The following DNAJC7 variants were observed in gnomAD, a reference collection of about 807,000 sequenced individuals.
The protein encoded by DNAJC7 is DnaJ heat shock protein family (Hsp40) member C7.
A neutral mutation model predicts 67.4 loss-of-function variants in DNAJC7; 18 were observed. The ratio of observed to expected loss-of-function variants is 0.27; its 90% confidence interval spans 0.18 to 0.40. DNAJC7 has a LOEUF of 0.40. DNAJC7 is among the 10% of genes least tolerant of loss of function. DNAJC7 has a pLI of 1.00. For missense variants in DNAJC7, 419 were observed against 613.8 expected, an observed-to-expected ratio of 0.68 and a Z score of 3.35; for synonymous variants, 220 against 207.8, an observed-to-expected ratio of 1.06 and a Z score of -0.50.
chr17:41,996,276 T>C (rs974110855), intron 4 of DNAJC7, 35 bp downstream of exon 4: 9 of 1,603,964 alleles, frequency 5.6e-6, no homozygotes, highest in East Asian at 4.5e-5. Context: ...TATACCATAC[T>C]GCCTCTTTTG....
At chr17:41,980,568 G>A (rs367547740) in intron 12 of DNAJC7, among the ~76,000 whole-genome samples, 2 of 152,052 alleles carry the variant, frequency 1.3e-5, no homozygotes, top group East Asian at 3.9e-4. Flanking sequence ...TTGTATTTTA[G>A]TAGAGAGTAC....
chr17:42,002,695 T>C (rs2051841026), intron 1 of DNAJC7, among the ~76,000 whole-genome samples: 1 of 152,236 alleles, frequency 6.6e-6, no homozygotes, highest in Admixed American at 6.5e-5. Context: ...TTGTGCACTT[T>C]CTACTATGCC....
At position 41,976,744 on chromosome 17, in the gene DNAJC7, GA is replaced by G; in HGVS notation, c.1473del (p.Gln492AsnfsTer20). Reference protein sequence around the residue: ...FEASGPGNFFFQFG With the variant: ...FEASGPGNFFXQFG ...GTGGTTGCCCTTCATTAGCCAAATT[GA>G]AAAAAGAAATTCCCTGGACCAGATG... On this transcript the variant is annotated frameshift_variant, in exon 14 of 14. Transcript: ENST00000457167. LOFTEE classifies it high-confidence loss of function. The G allele has an allele frequency of 6.2e-7, 1 of 1,608,918 alleles. No individual in the cohort carries two copies.
At position 42,000,573 on chromosome 17, in the gene DNAJC7, G is replaced by C; in HGVS notation, c.78-3C>G. The C allele has an allele frequency of 6.3e-7, 1 of 1,596,552 alleles. No homozygotes were observed. Among genetic ancestry groups the C allele is most frequent in the East Asian group, 2.2e-5 (1 of 44,638 alleles). Reference sequence around the variant, plus strand: ...GTTCCTTGAAAGTCTCTGCTTCCCTGAAAATGAAAGAGAAAGAGAATCATG... The same window carrying C: ...GTTCCTTGAAAGTCTCTGCTTCCCTCAAAATGAAAGAGAAAGAGAATCATG... On this transcript the variant is annotated splice_region_variant and splice_polypyrimidine_tract_variant and intron_variant, in intron 1 of 13. Transcript: ENST00000457167.
intron 9 of DNAJC7, among the ~76,000 whole-genome samples, chr17:41,986,337 G>T (rs1461290098): frequency 1.3e-5 from 2 of 151,992 alleles, no homozygotes; most frequent in Non-Finnish European, 2.9e-5. Context: ...CTGCACTCCA[G>T]CCTGAGCGAC....
At chr17:41,977,683 AG>A (rs1329354296) in intron 12 of DNAJC7, 53 of 178,452 alleles carry the variant, frequency 3.0e-4, no homozygotes, top group Middle Eastern at 2.5e-3. Flanking sequence ...GCTACTAAAA[AG>A]GATAAAATGT....
intron 1 of DNAJC7, chr17:42,015,489 G>C (rs1275492703): frequency 6.6e-6 from 1 of 152,106 alleles, no homozygotes; most frequent in Non-Finnish European, 1.5e-5. Context: ...GCTATGAAAT[G>C]AAGTCCAAAA....
intron 1 of DNAJC7, chr17:42,016,919 G>A: frequency 9.0e-7 from 1 of 1,117,228 alleles, no homozygotes; most frequent in Non-Finnish European, 1.1e-6. Context: ...GGGGTGAGGA[G>A]AGCAAAGGTT....
chr17:42,008,751 A>C (rs572482717), intron 1 of DNAJC7, among the ~76,000 whole-genome samples: 6 of 151,984 alleles, frequency 3.9e-5, no homozygotes, highest in African/African-American at 1.4e-4. Flanking sequence ...CTTGTTGCCC[A>C]GGCTGGAGTG....
chr17:42,014,069 G>A (rs2052195458), intron 1 of DNAJC7: 1 of 151,994 alleles, frequency 6.6e-6, no homozygotes. Context: ...AAAGTGCTGG[G>A]ATTATAGGCA....
chr17:41,977,301 G>A lies in DNAJC7; in HGVS notation c.1407C>T (p.Phe469=), dbSNP rs200149460. 9.3e-4 allele frequency: 1,467 copies of A among 1,584,276 alleles called. 14 individuals are homozygous for A. In the African/African-American group the frequency reaches 0.018, roughly 19 times the overall value. ...CGCCAGGACCGCCAAAGAATGCCTT[G>A]AAGATATTGTTTGGATCAAAATCTG... is the stretch of plus-strand genomic sequence containing the variant. ...NMGDFDPNNI[F]KAFFGGPGGF... The change falls in exon 13 of 14, where the codon TTC becomes TTT. Residue 469 remains phenylalanine (F), a synonymous_variant. Coordinates refer to ENST00000457167, the MANE Select transcript of DNAJC7 (RefSeq NM_003315.4).
intron 12 of DNAJC7, among the ~76,000 whole-genome samples, chr17:41,978,238 CAGAAGGACTG>C (rs1273881319): frequency 6.6e-6 from 1 of 152,154 alleles, no homozygotes; most frequent in East Asian, 1.9e-4. Context: ...CCAAGCTTCA[CAGAAGGACTG>C]ACCCCCACCA....
At chr17:42,010,142 CAAAG>C (rs371872389) in intron 1 of DNAJC7, among the ~76,000 whole-genome samples, 3,250 of 150,444 alleles carry the variant, frequency 0.022, 46 homozygotes, top group Middle Eastern at 0.055. Flanking sequence ...GACTCCATCA[CAAAG>C]AAAGAAAGAA....
intron 12 of DNAJC7, among the ~76,000 whole-genome samples, chr17:41,979,176 T>A (rs1294165264): frequency 6.7e-6 from 1 of 149,560 alleles, no homozygotes; most frequent in Non-Finnish European, 1.5e-5. Context: ...CCGTCTCTAC[T>A]AAAAATATAA....
At chr17:41,996,039 A>T (rs1555648571) in intron 4 of DNAJC7, among the ~76,000 whole-genome samples, 4 of 152,146 alleles carry the variant, frequency 2.6e-5, no homozygotes, top group Admixed American at 6.5e-5. Flanking sequence ...CTTTAACCTC[A>T]CTCAAATCAG....
intron 1 of DNAJC7, among the ~76,000 whole-genome samples, chr17:42,009,071 T>C (rs1310996141): frequency 1.3e-5 from 2 of 152,178 alleles, no homozygotes; most frequent in South Asian, 2.1e-4. Context: ...CGGTGCTTCA[T>C]CCAGAAAAAA....
chr17:41,976,813 T>C, intron 13 of DNAJC7, 43 bp from the exon 14 acceptor site: 3 of 1,597,790 alleles, frequency 1.9e-6, no homozygotes, highest in Non-Finnish European at 2.6e-6. Context: ...ATGGATTTTC[T>C]AAGGAAGATC....
intron 11 of DNAJC7, 41 bp downstream of exon 11, chr17:41,982,214 C>A (rs781808075): frequency 6.2e-7 from 1 of 1,611,146 alleles, no homozygotes; most frequent in Non-Finnish European, 8.5e-7. Flanking sequence ...GCCTGCCCTG[C>A]GGGTTCTTCC....
chr17:41,986,579 C>T (rs1229364742), intron 9 of DNAJC7, among the ~76,000 whole-genome samples: 1 of 147,844 alleles, frequency 6.8e-6, no homozygotes, highest in Admixed American at 6.8e-5. Context: ...CAGCAAACAC[C>T]TTCATGTATA....
Sources: allele counts gnomAD v4.1 joint callset (sites outside exome capture counted in the v4.1 genomes callset), GRCh38; gene constraint gnomAD v4.1.1; transcripts MANE v1.5; gene names NCBI Gene and HGNC (gene_info 2026-07-23, HGNC 2026-07-21).